MISP3: variants seen among roughly 807,000 people sequenced by gnomAD.
MISP3 encodes MISP family member 3, also known as uncharacterized protein MISP3.
Under a neutral mutation model 5.5 loss-of-function variants are expected in MISP3, and 9 were observed. The observed-to-expected ratio is 1.65, with a 90% CI of 0.99 to 2.87. MISP3 has a LOEUF of 2.87. Among genes scored for constraint, MISP3 ranks in the 30% most tolerant of loss-of-function variants. The probability of loss-of-function intolerance (pLI) is 0.00; values close to 1 mark genes in which losing one functional copy is unlikely to be tolerated. For synonymous variants in MISP3, 87 were observed against 38.1 expected (o/e 2.28, Z -4.73); for missense variants, 152 against 84.1 (o/e 1.81, Z -3.16).
rs867010817 is a variant in MISP3 at position 14,074,506 on chromosome 19, C to T, written c.642+43C>T. ...CGTGTGCCTCTAGCGCTTGTCGGTC[C>T]CCCCACCCCTCCGGTGCCAGGACGC... On this transcript the variant is annotated intron_variant, in intron 2 of 2. Coordinates refer to ENST00000587086, the MANE Select transcript of MISP3 (RefSeq NM_001291291.2). The surrounding 1 kb of genome is among the most constrained non-coding windows in gnomAD (Gnocchi z 4.4). The T allele has an allele frequency of 1.9e-5, 13 of 691,282 alleles. No homozygotes were observed. Among genetic ancestry groups the T allele is most frequent in the African/African-American group, 1.6e-4 (9 of 56,932 alleles). The allele number at this position is 691,282 out of a possible 1,614,324, so 42.8% of individuals were successfully genotyped here.
Position 14,073,185 on chromosome 19 carries a change from A to G in MISP3, c.-125A>G. The G allele has an allele frequency of 1.5e-6, 1 of 674,082 alleles. No homozygotes were observed. 41.8% of individuals were successfully genotyped at this position (674,082 alleles called of 1,614,324 possible). A position where few individuals can be genotyped will look rare whatever the true frequency, so the allele number is the denominator to read the frequency against. On this transcript the variant is annotated 5_prime_UTR_variant, in exon 1 of 3. Coordinates refer to ENST00000587086, the MANE Select transcript of MISP3 (RefSeq NM_001291291.2). The surrounding 1 kb of genome is among the most constrained non-coding windows in gnomAD (Gnocchi z 8.5). ...GGGCCGTCCGAAGCGCAAAGGGCGG[A>G]GGTCCAGGGGCAGCATCCCCCTCCA...
Position 14,074,596 on chromosome 19 carries a change from C to T in MISP3, c.643-110C>T. ...GGTCAGAACTCAGTCTGGGACGCAT[C>T]CCCGGGGTGAAGAGGAGACGGTGGT... is the stretch of plus-strand genomic sequence containing the variant. On this transcript the variant is annotated intron_variant, in intron 2 of 2. Transcript: ENST00000587086. This position sits in a 1 kb window ranked among gnomAD's most constrained non-coding sequence, Gnocchi z 4.4. 2.9e-6 allele frequency: 2 copies of T among 684,398 alleles called. No individual in the cohort carries two copies. 42.4% of individuals were successfully genotyped at this position (684,398 alleles called of 1,614,324 possible). A position where few individuals can be genotyped will look rare whatever the true frequency, so the allele number is the denominator to read the frequency against.
In MISP3 at chr19:14,073,389, CG is replaced by C; in HGVS notation, c.83del (p.Gly28AlafsTer172). On this transcript the variant is annotated frameshift_variant, in exon 1 of 3. Coordinates refer to ENST00000587086, the MANE Select transcript of MISP3 (RefSeq NM_001291291.2). LOFTEE classifies it high-confidence loss of function. This position sits in a 1 kb window ranked among gnomAD's most constrained non-coding sequence, Gnocchi z 8.5. ...ESLRRSRGLS[P>X]GRAGRELVEL... ...CTGCGCCGGAGCCGGGGCCTGAGCCCGGGCCGCGCAGGCCGTGAACTCGTCG... is the reference window on the plus strand; with the variant it reads ...CTGCGCCGGAGCCGGGGCCTGAGCCCGGCCGCGCAGGCCGTGAACTCGTCG... 1.4e-6 allele frequency: 1 copy of C among 693,514 alleles called. No homozygotes were observed. Among genetic ancestry groups the C allele is most frequent in the Non-Finnish European group, 2.6e-6 (1 of 380,830 alleles). The allele number at this position is 693,514 out of a possible 1,614,324, so 43.0% of individuals were successfully genotyped here.
rs1017146046 is a variant in MISP3 at position 14,073,219 on chromosome 19, G to A, written c.-91G>A. 1.6e-5 allele frequency: 11 copies of A among 676,672 alleles called. No homozygotes were observed. Among genetic ancestry groups the A allele is most frequent in the Non-Finnish European group, 2.7e-5 (10 of 368,192 alleles). The allele number at this position is 676,672 out of a possible 1,614,324, so 41.9% of individuals were successfully genotyped here. On this transcript the variant is annotated 5_prime_UTR_variant, in exon 1 of 3. Transcript: ENST00000587086. This position sits in a 1 kb window ranked among gnomAD's most constrained non-coding sequence, Gnocchi z 8.5. ...GGCAGCATCCCCCTCCAGGCCCTAA[G>A]ACCTCCTCCTCCAGGTCAGGCTCGG...
In MISP3 at chr19:14,073,860, C is replaced by G. The variant is rs12983322; in HGVS notation, c.551C>G (p.Pro184Arg). ...TATGGCACCGCGGAGTTCAAGGAGC[C>G]TACGCCGAGCCTCACCGGTAAGCCG... The part of the protein sequence containing the change: ...SVYGTAEFKE[P>R]TPSLTASRGD... The change falls in exon 1 of 3, where the codon CCT (proline) becomes CGT (arginine). Residue 184 changes from proline (P) to arginine (R), a missense_variant. Coordinates refer to ENST00000587086, the MANE Select transcript of MISP3 (RefSeq NM_001291291.2). The surrounding 1 kb of genome is among the most constrained non-coding windows in gnomAD (Gnocchi z 8.5). The G allele has an allele frequency of 4.3e-6, 3 of 701,646 alleles. No individual in the cohort carries two copies. Among genetic ancestry groups the G allele is most frequent in the Non-Finnish European group, 7.8e-6 (3 of 384,502 alleles). The allele number at this position is 701,646 out of a possible 1,614,324, so 43.5% of individuals were successfully genotyped here.
Position 14,073,509 on chromosome 19 carries a change from G to T in MISP3, c.200G>T (p.Arg67Leu). The T allele has an allele frequency of 2.8e-6, 1 of 352,494 alleles. No individual in the cohort carries two copies. The highest frequency in any genetic ancestry group is 1.1e-4 in the South Asian group (1 of 9,434). 21.8% of individuals were successfully genotyped at this position (352,494 alleles called of 1,614,324 possible). ...ERARAGAQMQ[R>L]DIEREAHRQA... ...GCGCGGGCGGGCGCGCAGATGCAGC[G>T]GGACATCGAGCGGGAGGCCCACCGG... The change falls in exon 1 of 3, where the codon CGG becomes CTG. Residue 67 changes from arginine to leucine, a missense_variant. Coordinates refer to ENST00000587086, the MANE Select transcript of MISP3 (RefSeq NM_001291291.2). This position sits in a 1 kb window ranked among gnomAD's most constrained non-coding sequence, Gnocchi z 8.5.
chr19:14,074,428 C>G lies in MISP3; in HGVS notation c.607C>G (p.Pro203Ala). The G allele has an allele frequency of 1.4e-6, 1 of 702,800 alleles. No homozygotes were observed. Among genetic ancestry groups the G allele is most frequent in the Non-Finnish European group, 2.6e-6 (1 of 384,952 alleles). 43.5% of individuals were successfully genotyped at this position (702,800 alleles called of 1,614,324 possible). The part of the protein sequence containing the change: ...GDGKLVVIWP[P>A]RRKVSENGLE... ...CGGAAAGTTGGTGGTGATCTGGCCCCCCCGCAGAAAGGTCTCGGAGAACGG... is the reference window on the plus strand; with the variant it reads ...CGGAAAGTTGGTGGTGATCTGGCCCGCCCGCAGAAAGGTCTCGGAGAACGG... Residue 203 changes from proline (P) to alanine (A), a missense_variant, in exon 2 of 3, where the codon CCC becomes GCC. Coordinates refer to ENST00000587086, the MANE Select transcript of MISP3 (RefSeq NM_001291291.2). This position sits in a 1 kb window ranked among gnomAD's most constrained non-coding sequence, Gnocchi z 4.4.
chr19:14,073,213 C>T lies in MISP3; in HGVS notation c.-97C>T, dbSNP rs1295935323. 2 of 675,390 alleles carry T rather than the reference C, an allele frequency of 3.0e-6. No homozygotes were observed. Among genetic ancestry groups the T allele is most frequent in the African/African-American group, 1.8e-5 (1 of 56,192 alleles). The allele number at this position is 675,390 out of a possible 1,614,324, so 41.8% of individuals were successfully genotyped here. A position where few individuals can be genotyped will look rare whatever the true frequency, so the allele number is the denominator to read the frequency against. ...TCCAGGGGCAGCATCCCCCTCCAGG[C>T]CCTAAGACCTCCTCCTCCAGGTCAG... On this transcript the variant is annotated 5_prime_UTR_variant, in exon 1 of 3. Coordinates refer to ENST00000587086, the MANE Select transcript of MISP3 (RefSeq NM_001291291.2). The surrounding 1 kb of genome is among the most constrained non-coding windows in gnomAD (Gnocchi z 8.5).
At position 14,074,990 on chromosome 19, in the gene MISP3, T is replaced by G. The variant is rs892032124; in HGVS notation, c.*267T>G. 4.6e-6 allele frequency: 2 copies of G among 438,840 alleles called. No homozygotes were observed. Among genetic ancestry groups the G allele is most frequent in the Non-Finnish European group, 8.5e-6 (2 of 236,294 alleles). 27.2% of individuals were successfully genotyped at this position (438,840 alleles called of 1,614,324 possible). On this transcript the variant is annotated 3_prime_UTR_variant, in exon 3 of 3. Transcript: ENST00000587086. The surrounding 1 kb of genome is among the most constrained non-coding windows in gnomAD (Gnocchi z 4.4). ...ACTGAACTACCCTCTCCCTTGACTG[T>G]TAAGAGGGCCGGAGTTACCGCCTCG...
rs756242699 is a variant in MISP3 at position 14,073,424 on chromosome 19, G to C, written c.115G>C (p.Val39Leu). 74 of 668,824 alleles carry C rather than the reference G, an allele frequency of 1.1e-4. No homozygotes were observed. The highest frequency in any genetic ancestry group is 8.1e-6 in the Non-Finnish European group (3 of 371,244). The allele number at this position is 668,824 out of a possible 1,614,324, so 41.4% of individuals were successfully genotyped here. Residue 39 changes from valine to leucine, a missense_variant, in exon 1 of 3, where the codon GTG (valine) becomes CTG (leucine). Coordinates refer to ENST00000587086, the MANE Select transcript of MISP3 (RefSeq NM_001291291.2). The surrounding 1 kb of genome is among the most constrained non-coding windows in gnomAD (Gnocchi z 8.5). ...AGGCCGTGAACTCGTCGAGCTGCGC[G>C]TGCGGCCGGTGCTCAACCTGCCGGG... ...RAGRELVELR[V>L]RPVLNLPGPG...
rs1976635001 is a variant in MISP3 at position 14,073,787 on chromosome 19, G to T, written c.478G>T (p.Ala160Ser). 1 of 700,992 alleles carries T rather than the reference G, an allele frequency of 1.4e-6. No homozygotes were observed. Among genetic ancestry groups the T allele is most frequent in the Non-Finnish European group, 2.6e-6 (1 of 384,192 alleles). The allele number at this position is 700,992 out of a possible 1,614,324, so 43.4% of individuals were successfully genotyped here. Residue 160 changes from alanine to serine, a missense_variant, in exon 1 of 3, where the codon GCC becomes TCC. Ala to Ser is a moderately conservative substitution (Grantham distance 99). Coordinates refer to ENST00000587086, the MANE Select transcript of MISP3 (RefSeq NM_001291291.2). The surrounding 1 kb of genome is among the most constrained non-coding windows in gnomAD (Gnocchi z 8.5). Reference sequence around the variant, plus strand: ...GTCACTGCTGGAGCAGGAGGTGCGCGCCGTGCGCGAGCGCGAGCAGGAACT... The same window carrying T: ...GTCACTGCTGGAGCAGGAGGTGCGCTCCGTGCGCGAGCGCGAGCAGGAACT... ...TPSLLEQEVR[A>S]VREREQELQR...
Position 14,074,421 on chromosome 19 carries a change from C to T in MISP3, c.600C>T (p.Ile200=). Residue 200 remains isoleucine, a synonymous_variant, in exon 2 of 3, where the codon ATC becomes ATT. Coordinates refer to ENST00000587086, the MANE Select transcript of MISP3 (RefSeq NM_001291291.2). The surrounding 1 kb of genome is among the most constrained non-coding windows in gnomAD (Gnocchi z 4.4). ...GGGGCGACGGAAAGTTGGTGGTGAT[C>T]TGGCCCCCCCGCAGAAAGGTCTCGG... ...ASRGDGKLVV[I]WPPRRKVSEN... 1 of 702,852 alleles carries T rather than the reference C, an allele frequency of 1.4e-6. No individual in the cohort carries two copies. The highest frequency in any genetic ancestry group is 2.6e-6 in the Non-Finnish European group (1 of 384,972). 43.5% of individuals were successfully genotyped at this position (702,852 alleles called of 1,614,324 possible).
rs1976645253 is a variant in MISP3, at chr19:14,074,053, C to T, written c.568+176C>T. ...ACCCCTTCTGGAGCTCCATTACTCGCTGTGATCCACCCCTCCACCGGGAGT... is the reference window on the plus strand; with the variant it reads ...ACCCCTTCTGGAGCTCCATTACTCGTTGTGATCCACCCCTCCACCGGGAGT... On this transcript the variant is annotated intron_variant, in intron 1 of 2. Transcript: ENST00000587086. The surrounding 1 kb of genome is among the most constrained non-coding windows in gnomAD (Gnocchi z 4.4). 4 of 598,694 alleles carry T rather than the reference C, an allele frequency of 6.7e-6. No individual in the cohort carries two copies. The Admixed American group carries it at 1.2e-4, about 18-fold the overall frequency. 37.1% of individuals were successfully genotyped at this position (598,694 alleles called of 1,614,324 possible). A position where few individuals can be genotyped will look rare whatever the true frequency, so the allele number is the denominator to read the frequency against.
rs770745818 is a variant in MISP3 at position 14,075,010 on chromosome 19, G to T, written c.*287G>T. The stretch of plus-strand genomic sequence containing the variant: ...GACTGTTAAGAGGGCCGGAGTTACC[G>T]CCTCGATTGCCCCACTCCCCCCACC... On this transcript the variant is annotated 3_prime_UTR_variant, in exon 3 of 3. Coordinates refer to ENST00000587086, the MANE Select transcript of MISP3 (RefSeq NM_001291291.2). 5 of 372,888 alleles carry T rather than the reference G, an allele frequency of 1.3e-5. No homozygotes were observed. The highest frequency in any genetic ancestry group is 6.1e-5 in the African/African-American group (3 of 49,292). 23.1% of individuals were successfully genotyped at this position (372,888 alleles called of 1,614,324 possible). A position where few individuals can be genotyped will look rare whatever the true frequency, so the allele number is the denominator to read the frequency against.
rs1213263531 is a variant in MISP3 at position 14,073,815 on chromosome 19, A to G, written c.506A>G (p.Gln169Arg). The G allele has an allele frequency of 2.8e-6, 2 of 701,756 alleles. No individual in the cohort carries two copies. The highest frequency in any genetic ancestry group is 5.2e-6 in the Non-Finnish European group (2 of 384,496). The allele number at this position is 701,756 out of a possible 1,614,324, so 43.5% of individuals were successfully genotyped here. ...GTGCGCGAGCGCGAGCAGGAACTGC[A>G]GCGCCAGCGGCGCAGCGTCTATGGC... ...RAVREREQEL[Q>R]RQRRSVYGTA... Residue 169 changes from glutamine to arginine, a missense_variant, in exon 1 of 3, where the codon CAG becomes CGG. Coordinates refer to ENST00000587086, the MANE Select transcript of MISP3 (RefSeq NM_001291291.2). This position sits in a 1 kb window ranked among gnomAD's most constrained non-coding sequence, Gnocchi z 8.5.
At position 14,074,607 on chromosome 19, in the gene MISP3, A is replaced by G; in HGVS notation, c.643-99A>G. ...AGTCTGGGACGCATCCCCGGGGTGAAGAGGAGACGGTGGTCTTGAGGCCCA... is the reference window on the plus strand; with the variant it reads ...AGTCTGGGACGCATCCCCGGGGTGAGGAGGAGACGGTGGTCTTGAGGCCCA... On this transcript the variant is annotated intron_variant, in intron 2 of 2. Coordinates refer to ENST00000587086, the MANE Select transcript of MISP3 (RefSeq NM_001291291.2). This position sits in a 1 kb window ranked among gnomAD's most constrained non-coding sequence, Gnocchi z 4.4. 2.9e-6 allele frequency: 2 copies of G among 687,076 alleles called. No individual in the cohort carries two copies. The highest frequency in any genetic ancestry group is 5.4e-6 in the Non-Finnish European group (2 of 372,008). The allele number at this position is 687,076 out of a possible 1,614,324, so 42.6% of individuals were successfully genotyped here.
Position 14,073,710 on chromosome 19 carries a change from C to T in MISP3, c.401C>T (p.Ala134Val). 1 of 604,108 alleles carries T rather than the reference C, an allele frequency of 1.7e-6. No individual in the cohort carries two copies. 37.4% of individuals were successfully genotyped at this position (604,108 alleles called of 1,614,324 possible). The change falls in exon 1 of 3, where the codon GCC (alanine) becomes GTC (valine). Residue 134 changes from alanine (A) to valine (V), a missense_variant. Transcript: ENST00000587086. The surrounding 1 kb of genome is among the most constrained non-coding windows in gnomAD (Gnocchi z 8.5). Reference sequence around the variant, plus strand: ...GAGCCTGGGGGACGGCCGCGCTCGGCCGTGCAGGGCGGGTGCCGGGTGCTG... The same window carrying T: ...GAGCCTGGGGGACGGCCGCGCTCGGTCGTGCAGGGCGGGTGCCGGGTGCTG... ...LPEPGGRPRSAVQGGCRVLGS... is the reference protein window; with the variant it reads ...LPEPGGRPRSVVQGGCRVLGS...
Position 14,074,735 on chromosome 19 carries a change from G to A in MISP3, c.*12G>A, listed in dbSNP as rs970439424. ...AGCGCAAACCTTGAGGTTTGAAAAG[G>A]CTGGGACCCCCGGCCGGAAGTAACG... On this transcript the variant is annotated 3_prime_UTR_variant, in exon 3 of 3. Transcript: ENST00000587086. The surrounding 1 kb of genome is among the most constrained non-coding windows in gnomAD (Gnocchi z 4.4). 2 of 701,938 alleles carry A rather than the reference G, an allele frequency of 2.8e-6. No homozygotes were observed. The highest frequency in any genetic ancestry group is 5.4e-5 in the East Asian group (2 of 37,252). 43.5% of individuals were successfully genotyped at this position (701,938 alleles called of 1,614,324 possible).
Position 14,074,121 on chromosome 19 carries a change from G to A in MISP3, c.568+244G>A, listed in dbSNP as rs1198119575. ...ACACCACCCAGGCTGCGCGGGGGTG[G>A]GGGCATTCCAGATGTCTTCCTTTTT... On this transcript the variant is annotated intron_variant, in intron 1 of 2. Transcript: ENST00000587086. The surrounding 1 kb of genome is among the most constrained non-coding windows in gnomAD (Gnocchi z 4.4). 6 of 592,980 alleles carry A rather than the reference G, an allele frequency of 1.0e-5. No homozygotes were observed. The highest frequency in any genetic ancestry group is 4.4e-4 in the Middle Eastern group (1 of 2,278). The allele number at this position is 592,980 out of a possible 1,614,324, so 36.7% of individuals were successfully genotyped here.
Sources: allele counts gnomAD v4.1 joint callset, GRCh38; gene constraint gnomAD v4.1.1; non-coding constraint Gnocchi (gnomAD v3.1); transcripts MANE v1.5; gene names NCBI Gene and HGNC (gene_info 2026-07-23, HGNC 2026-07-21).